The following NEBL variants were observed in gnomAD, a reference collection of about 807,000 sequenced individuals.
NEBL encodes the protein LIM and SH3 protein 2.
A neutral mutation model predicts 140.2 loss-of-function variants in NEBL; 122 were observed. The observed-to-expected ratio is 0.87, with a 90% CI of 0.75 to 1.01. The LOEUF (loss-of-function observed/expected upper bound fraction) is 1.01, where lower values mean the gene tolerates loss of function less well. Ranked by LOEUF, NEBL falls within the 50% of genes least tolerant of loss-of-function variation. The pLI, the probability that NEBL is intolerant of heterozygous loss-of-function variation, is 0.00. For synonymous variants in NEBL, 436 were observed against 398.9 expected (o/e 1.09, Z -1.11); for missense variants, 1,365 against 1,231.3 (o/e 1.11, Z -1.62).
At position 21,093,895 on chromosome 10, in the gene NEBL, C is replaced by T. The variant is rs535842164; in HGVS notation, c.165-73694G>A. On this transcript the variant is annotated intron_variant, in intron 2 of 6. Transcript: ENST00000417816. ...TGAATCACACAAAGTTCTCACTGAC[C>T]TTCTTTTCTACAGAGATATTTTTTG... is the stretch of plus-strand genomic sequence containing the variant. 2.0e-5 allele frequency among the ~76,000 whole-genome samples: 3 copies of T among 152,328 alleles called. No individual in the cohort carries two copies. In the East Asian group the frequency reaches 5.8e-4, roughly 29 times the overall value.
At chr10:20,928,242 TTGAG>T (rs1382267865) in intron 4 of NEBL, among the ~76,000 whole-genome samples, 1 of 152,222 alleles carries the variant, frequency 6.6e-6, no homozygotes, top group African/African-American at 2.4e-5. Flanking sequence ...AGTAACTGAA[TTGAG>T]TATCAGTGTT....
chr10:21,233,547 TATAC>T (rs1371791985), intron 3 of NEBL, among the ~76,000 whole-genome samples: 2 of 148,892 alleles, frequency 1.3e-5, no homozygotes, highest in African/African-American at 2.5e-5. Context: ...TATATGCATA[TATAC>T]ATACATATAT....
chr10:21,255,213 A>G (rs929577236), intron 1 of NEBL, among the ~76,000 whole-genome samples: 13 of 152,152 alleles, frequency 8.5e-5, no homozygotes, highest in Non-Finnish European at 1.6e-4. Context: ...CATGAGTGGC[A>G]CATATGGGAA....
At chr10:21,171,712 A>G (rs897110482) in intron 2 of NEBL, 1 of 155,132 alleles carries the variant, frequency 6.4e-6, no homozygotes, top group African/African-American at 2.4e-5. Context: ...ATGCTAGCTA[A>G]TTGCTATTCT....
chr10:21,266,079 G>GC (rs925400547), intron 1 of NEBL, among the ~76,000 whole-genome samples: 6 of 152,130 alleles, frequency 3.9e-5, no homozygotes, highest in African/African-American at 1.2e-4. Flanking sequence ...CGATCCTGCT[G>GC]CCCCCCATAT....
Position 20,814,048 on chromosome 10 carries a change from A to G in NEBL, c.2242-5T>C. The G allele has an allele frequency of 6.5e-7, 1 of 1,532,924 alleles. No homozygotes were observed. The highest frequency in any genetic ancestry group is 1.1e-5 in the South Asian group (1 of 89,392). 95.0% of individuals were successfully genotyped at this position (1,532,924 alleles called of 1,614,324 possible). On this transcript the variant is annotated splice_polypyrimidine_tract_variant and splice_region_variant and intron_variant, in intron 22 of 27. Transcript: ENST00000377122. ...ATGGTCCTGGGTATATTTTACCTGC[A>G]AAGTAAATAGTAGGCATAAGACAAT...
At chr10:21,136,922 G>A (rs1303325104) in intron 2 of NEBL, among the ~76,000 whole-genome samples, 3 of 152,212 alleles carry the variant, frequency 2.0e-5, no homozygotes, top group African/African-American at 7.2e-5. Context: ...TAGAATTAAT[G>A]GACATCTAGA....
chr10:21,240,632 C>G (rs1588553149), intron 3 of NEBL, among the ~76,000 whole-genome samples: 1 of 152,020 alleles, frequency 6.6e-6, no homozygotes, highest in East Asian at 1.9e-4. Flanking sequence ...CAAAAAAAAG[C>G]CATGATATTA....
intron 4 of NEBL, among the ~76,000 whole-genome samples, chr10:20,944,547 T>C (rs894144964): frequency 4.6e-5 from 7 of 152,248 alleles, no homozygotes; most frequent in African/African-American, 1.7e-4. Flanking sequence ...TCTATATTTG[T>C]ATGAGAACTA....
chr10:21,282,833 G>C (rs1280546167), intron 1 of NEBL, among the ~76,000 whole-genome samples: 1 of 152,106 alleles, frequency 6.6e-6, no homozygotes, highest in Non-Finnish European at 1.5e-5. Flanking sequence ...ATTAAAAAAA[G>C]GTTGCAATAG....
At position 20,999,770 on chromosome 10, in the gene NEBL, C is replaced by T. The variant is rs775423001; in HGVS notation, c.249+20347G>A. Among the ~76,000 whole-genome samples the T allele has an allele frequency of 5.3e-5, 8 of 152,142 alleles. No individual in the cohort carries two copies. The South Asian group carries it at 6.2e-4, about 12-fold the overall frequency. On this transcript the variant is annotated intron_variant, in intron 3 of 6. Coordinates refer to the NEBL transcript ENST00000417816. ...CTCTTACAACCCCCGCTTTAACTGCCGTGGAGGCTGTGAAGCCTGTCGTAT... is the reference window on the plus strand; with the variant it reads ...CTCTTACAACCCCCGCTTTAACTGCTGTGGAGGCTGTGAAGCCTGTCGTAT...
At chr10:21,018,281 G>T (rs1327540164) in intron 3 of NEBL, among the ~76,000 whole-genome samples, 1 of 152,210 alleles carries the variant, frequency 6.6e-6, no homozygotes, top group African/African-American at 2.4e-5. Flanking sequence ...GGCAGGAAAT[G>T]AGTATTTGAT....
chr10:21,262,048 CG>C (rs1220454479), intron 1 of NEBL, among the ~76,000 whole-genome samples: 3 of 152,046 alleles, frequency 2.0e-5, no homozygotes, highest in Admixed American at 6.5e-5. Flanking sequence ...TGCCCCCAAC[CG>C]AAAGCCGACA....
At chr10:21,043,149 A>T (rs1834345474) in intron 2 of NEBL, among the ~76,000 whole-genome samples, 1 of 152,214 alleles carries the variant, frequency 6.6e-6, no homozygotes, top group Non-Finnish European at 1.5e-5. Flanking sequence ...TTGTATCTTA[A>T]AAAGGGTCTC....
chr10:20,894,765 A>AT (rs1202164353), intron 2 of NEBL, among the ~76,000 whole-genome samples: 1 of 149,160 alleles, frequency 6.7e-6, no homozygotes, highest in African/African-American at 2.5e-5. Flanking sequence ...AAAAAAAAAA[A>AT]AAAATACAAA....
At chr10:21,041,350 C>T (rs1482860726) in intron 2 of NEBL, among the ~76,000 whole-genome samples, 1 of 152,112 alleles carries the variant, frequency 6.6e-6, no homozygotes, top group African/African-American at 2.4e-5. Context: ...ACAGATGTCC[C>T]ATCAAAAGCT....
intron 16 of NEBL, among the ~76,000 whole-genome samples, chr10:20,830,587 T>C (rs759524093): frequency 6.6e-5 from 10 of 152,198 alleles, no homozygotes; most frequent in South Asian, 2.1e-4. Context: ...CTTCACTTTA[T>C]ACCTTGTGCA....
At chr10:20,956,463 T>A (rs969225256) in intron 4 of NEBL, among the ~76,000 whole-genome samples, 5 of 152,176 alleles carry the variant, frequency 3.3e-5, no homozygotes, top group African/African-American at 1.2e-4. Flanking sequence ...GAGCTACAGA[T>A]AAGGTCTAGT....
chr10:20,959,751 G>A (rs1486762083), intron 4 of NEBL, among the ~76,000 whole-genome samples: 2 of 151,580 alleles, frequency 1.3e-5, no homozygotes, highest in Admixed American at 6.6e-5. Flanking sequence ...AGACTGCTAC[G>A]GCTGCTAACA....
Sources: allele counts gnomAD v4.1 joint callset (sites outside exome capture counted in the v4.1 genomes callset), GRCh38; gene constraint gnomAD v4.1.1; transcripts MANE v1.5; gene names NCBI Gene and HGNC (gene_info 2026-07-23, HGNC 2026-07-21).